ENOX1: variants seen among roughly 807,000 people sequenced by gnomAD.
ENOX1 encodes candidate growth-related and time keeping constitutive hydroquinone (NADH) oxidase.
Under a neutral mutation model 82.5 loss-of-function variants are expected in ENOX1, and 42 were observed. The ratio of observed to expected loss-of-function variants is 0.51; its 90% CI spans 0.40 to 0.66. The LOEUF is 0.66. ENOX1 is among the 30% of genes least tolerant of loss of function. The pLI is 0.00. For synonymous variants in ENOX1, 271 were observed against 282.2 expected (o/e 0.96, Z 0.40); for missense variants, 608 against 811.6 (o/e 0.75, Z 3.05).
intron 14 of ENOX1, among the ~76,000 whole-genome samples, chr13:43,246,060 A>C (rs1239212777): frequency 6.6e-6 from 1 of 152,232 alleles, no homozygotes; most frequent in African/African-American, 2.4e-5. Flanking sequence ...CCTTCTTTCT[A>C]GGTCATCTTT....
chr13:43,276,479 G>A (rs977442580), intron 12 of ENOX1, among the ~76,000 whole-genome samples: 11 of 151,938 alleles, frequency 7.2e-5, no homozygotes, highest in East Asian at 1.9e-4. Flanking sequence ...ACATCCCACC[G>A]CCCCACAGCT....
At chr13:43,390,367 G>A (rs994533250) in intron 5 of ENOX1, among the ~76,000 whole-genome samples, 8 of 152,216 alleles carry the variant, frequency 5.3e-5, no homozygotes, top group Non-Finnish European at 1.0e-4. Context: ...GGACACATAT[G>A]ATACTTGTTT....
chr13:43,377,432 G>A lies in ENOX1; in HGVS notation c.209-15980C>T, dbSNP rs61172451. On this transcript the variant is annotated intron_variant, in intron 5 of 16. Transcript: ENST00000690772. The stretch of plus-strand genomic sequence containing the variant: ...TTCTTTATAAATTACCCAGTCTGTG[G>A]TACTCTGTTATAGCAGCATAAATGA... Among the ~76,000 whole-genome samples, 363 of 152,234 alleles carry A rather than the reference G, an allele frequency of 2.4e-3. 11 individuals carry two copies. The East Asian group carries it at 0.063, about 27-fold the overall frequency.
At chr13:43,357,825 C>A (rs1460217184) in intron 7 of ENOX1, among the ~76,000 whole-genome samples, 1 of 152,192 alleles carries the variant, frequency 6.6e-6, no homozygotes, top group Non-Finnish European at 1.5e-5. Flanking sequence ...ATTAGACAGG[C>A]CTTCCAGCTG....
intron 3 of ENOX1, among the ~76,000 whole-genome samples, chr13:43,435,454 C>T (rs1355137845): frequency 6.6e-6 from 1 of 152,176 alleles, no homozygotes; most frequent in African/African-American, 2.4e-5. Flanking sequence ...ATCCTATTGG[C>T]TCCTGTCCTC....
intron 2 of ENOX1, among the ~76,000 whole-genome samples, chr13:43,566,546 T>C (rs112674876): frequency 0.033 from 5,033 of 152,160 alleles, 283 homozygotes; most frequent in African/African-American, 0.12. Context: ...GGCAATAGCA[T>C]GTCTATCTTC....
At chr13:43,720,274 C>G (rs1448124275) in intron 1 of ENOX1, among the ~76,000 whole-genome samples, 1 of 152,150 alleles carries the variant, frequency 6.6e-6, no homozygotes, top group Non-Finnish European at 1.5e-5. Flanking sequence ...GATAAGGCAG[C>G]CCTGGACTAG....
chr13:43,221,080 G>A (rs1479936194), intron 16 of ENOX1, among the ~76,000 whole-genome samples: 1 of 152,188 alleles, frequency 6.6e-6, no homozygotes, highest in Non-Finnish European at 1.5e-5. Flanking sequence ...GCTGGTCACA[G>A]TGGTGTCGTG....
intron 2 of ENOX1, among the ~76,000 whole-genome samples, chr13:43,515,161 G>A (rs775532276): frequency 2.6e-5 from 4 of 152,154 alleles, no homozygotes; most frequent in Non-Finnish European, 5.9e-5. Context: ...GGACTTCTGA[G>A]TGCCTGTGTG....
rs1297518858 is a variant in ENOX1 at position 43,326,454 on chromosome 13, G to A, written c.1108C>T (p.Arg370Cys). 2.5e-6 allele frequency: 4 copies of A among 1,614,016 alleles called. No homozygotes were observed. Among genetic ancestry groups the A allele is most frequent in the East Asian group, 2.2e-5 (1 of 44,900 alleles). The change falls in exon 10 of 17, where the codon CGC (arginine) becomes TGC (cysteine). Residue 370 changes from arginine to cysteine, a missense_variant. Arg to Cys is a radical substitution (Grantham distance 180, BLOSUM62 -3). Transcript: ENST00000690772. ...TTTCGCCAAATGTCTATGTTCTTGC[G>A]CTGGGCTTTCGAGAAATGGTCCCAA... ...KAWDHFSKAQ[R>C]KNIDIWRKHS... is the part of the protein sequence containing the mutation.
At chr13:43,779,967 C>CT (rs1952164384) in intron 1 of ENOX1, among the ~76,000 whole-genome samples, 1 of 151,964 alleles carries the variant, frequency 6.6e-6, no homozygotes, top group South Asian at 2.1e-4. Flanking sequence ...CCATCCTGGC[C>CT]AACACAGTGA....
chr13:43,363,608 A>T (rs1471404003), intron 5 of ENOX1, among the ~76,000 whole-genome samples: 1 of 152,210 alleles, frequency 6.6e-6, no homozygotes, highest in East Asian at 1.9e-4. Context: ...CATTCCGTAC[A>T]TCGGCTTCAT....
At chr13:43,313,413 C>A (rs115178792) in intron 11 of ENOX1, among the ~76,000 whole-genome samples, 1,697 of 152,254 alleles carry the variant, frequency 0.011, 44 homozygotes, top group African/African-American at 0.039. Flanking sequence ...TTATCTGATA[C>A]TAGTTACTAT....
At chr13:43,724,085 AC>A (rs1246555556) in intron 1 of ENOX1, among the ~76,000 whole-genome samples, 1 of 152,180 alleles carries the variant, frequency 6.6e-6, no homozygotes, top group East Asian at 1.9e-4. Flanking sequence ...ACATGACATC[AC>A]ATTAGGTCTT....
chr13:43,480,955 T>G (rs372256370), intron 3 of ENOX1, among the ~76,000 whole-genome samples: 1 of 152,282 alleles, frequency 6.6e-6, no homozygotes, highest in South Asian at 2.1e-4. Flanking sequence ...CAAACTCTTC[T>G]AAAAAATTGA....
intron 3 of ENOX1, among the ~76,000 whole-genome samples, chr13:43,429,955 GT>G (rs1388047456): frequency 6.6e-6 from 1 of 152,216 alleles, no homozygotes; most frequent in Non-Finnish European, 1.5e-5. Context: ...TGTGATCACA[GT>G]TTTGTTACAG....
At position 43,534,500 on chromosome 13, in the gene ENOX1, A is replaced by C. The variant is rs115116255; in HGVS notation, c.-218-50348T>G. Among the ~76,000 whole-genome samples the C allele has an allele frequency of 4.0e-3, 607 of 152,212 alleles. 2 individuals are homozygous for C. The highest frequency in any genetic ancestry group is 0.014 in the African/African-American group (583 of 41,526). ...CAACTGTTCGCTACCCCATCCCTTA[A>C]CTCCTAGAGGGTAAAGACAATAATG... On this transcript the variant is annotated intron_variant, in intron 2 of 16. Coordinates refer to ENST00000690772, the MANE Select transcript of ENOX1 (RefSeq NM_001347969.2).
chr13:43,584,567 G>A (rs1416016364), intron 2 of ENOX1, among the ~76,000 whole-genome samples: 1 of 152,182 alleles, frequency 6.6e-6, no homozygotes, highest in East Asian at 1.9e-4. Context: ...GTACAAAAAT[G>A]CCACATTCCA....
chr13:43,738,253 T>C (rs578015799), intron 1 of ENOX1, among the ~76,000 whole-genome samples: 1 of 152,272 alleles, frequency 6.6e-6, no homozygotes, highest in Non-Finnish European at 1.5e-5. Flanking sequence ...ATTTTAAACA[T>C]GTCTTTAAAC....
Sources: allele counts gnomAD v4.1 joint callset (sites outside exome capture counted in the v4.1 genomes callset), GRCh38; gene constraint gnomAD v4.1.1; transcripts MANE v1.5; gene names NCBI Gene and HGNC (gene_info 2026-07-23, HGNC 2026-07-21).